The following FAAH2 variants were observed in gnomAD, a reference collection of about 807,000 sequenced individuals.
FAAH2 encodes fatty-acid amide hydrolase 2.
Under a neutral mutation model 36.9 loss-of-function variants are expected in FAAH2, and 60 were observed. The ratio of observed to expected loss-of-function variants is 1.63; its 90% CI spans 1.32 to 2.02. FAAH2 has a LOEUF of 2.02. Among genes scored for constraint, FAAH2 ranks in the 30% most tolerant of loss-of-function variants. The probability of loss-of-function intolerance (pLI) is 0.00; values close to 1 mark genes in which losing one functional copy is unlikely to be tolerated. For synonymous variants in FAAH2, 214 were observed against 143.8 expected, an observed-to-expected ratio of 1.49 and a Z score of -3.49; for missense variants, 689 against 397.5, an observed-to-expected ratio of 1.73 and a Z score of -6.23.
chrX:57,484,550 G>A (rs930776402), intron 10 of FAAH2, among the ~76,000 whole-genome samples: 11 of 111,885 alleles, frequency 9.8e-5, no homozygotes, highest in African/African-American at 2.6e-4. Flanking sequence ...TGAGAGCCAG[G>A]GAGAATGCCT....
the FAAH2 span, among the ~76,000 whole-genome samples, chrX:57,125,089 C>T: frequency 5.3e-5 from 6 of 112,668 alleles, no homozygotes; most frequent in Non-Finnish European, 1.1e-4. Context: ...TGCCAGTTTT[C>T]AACGGGAATG....
intron 3 of FAAH2, among the ~76,000 whole-genome samples, chrX:57,322,640 G>A (rs1200316589): frequency 2.7e-5 from 3 of 110,807 alleles, no homozygotes; most frequent in Non-Finnish European, 5.7e-5. Flanking sequence ...ATGTCAATGA[G>A]TTCTAGATTC....
At chrX:57,366,625 G>A (rs932894330) in intron 5 of FAAH2, among the ~76,000 whole-genome samples, 1 of 112,363 alleles carries the variant, frequency 8.9e-6, no homozygotes, top group Non-Finnish European at 1.9e-5. Context: ...CTGTGGGCAA[G>A]CATACACCCA....
chrX:57,437,501 C>A (rs981211473), intron 8 of FAAH2, among the ~76,000 whole-genome samples: 1 of 109,345 alleles, frequency 9.1e-6, no homozygotes, highest in African/African-American at 3.3e-5. Flanking sequence ...CAAAAAGAAT[C>A]CCCTAGAATT....
intron 5 of FAAH2, among the ~76,000 whole-genome samples, chrX:57,361,685 A>T (rs1208692694): frequency 9.0e-6 from 1 of 111,190 alleles, no homozygotes; most frequent in Admixed American, 9.6e-5. Context: ...AAATTGTAAG[A>T]CTTTCTTTGT....
intron 10 of FAAH2, among the ~76,000 whole-genome samples, 158 bp downstream of exon 10, chrX:57,448,876 A>G: frequency 8.9e-6 from 1 of 112,418 alleles, no homozygotes; most frequent in Non-Finnish European, 1.9e-5. Context: ...TGCTAATGTC[A>G]TATGTTGAAG....
intron 7 of FAAH2, among the ~76,000 whole-genome samples, chrX:57,384,759 T>C (rs1028311305): frequency 1.3e-4 from 14 of 111,737 alleles, no homozygotes; most frequent in African/African-American, 3.6e-4. Flanking sequence ...TTGTGGAAGT[T>C]AGTGTGGGGA....
At chrX:57,243,833 C>T in the FAAH2 span, among the ~76,000 whole-genome samples, 1 of 110,349 alleles carries the variant, frequency 9.1e-6, no homozygotes, top group South Asian at 3.9e-4. Flanking sequence ...ACTAGAAGGC[C>T]TCTTCTCCTC....
the FAAH2 span, among the ~76,000 whole-genome samples, chrX:57,190,465 T>G: frequency 1.9e-5 from 2 of 103,066 alleles, no homozygotes; most frequent in African/African-American, 6.9e-5. Flanking sequence ...AAAAAAAAAC[T>G]TCTGCAGCTA....
the FAAH2 span, among the ~76,000 whole-genome samples, chrX:57,233,618 G>C: frequency 2.1e-4 from 23 of 111,221 alleles, no homozygotes; most frequent in African/African-American, 7.2e-4. Flanking sequence ...TGGGTATTTT[G>C]ACAGCTTCCT....
chrX:57,180,833 C>A, the FAAH2 span, among the ~76,000 whole-genome samples: 1 of 111,324 alleles, frequency 9.0e-6, no homozygotes, highest in African/African-American at 3.3e-5. Context: ...ACAATAACAA[C>A]AAAAGAGACA....
chrX:57,234,018 G>A, the FAAH2 span, among the ~76,000 whole-genome samples: 3 of 112,741 alleles, frequency 2.7e-5, no homozygotes, highest in African/African-American at 6.4e-5. Flanking sequence ...TACAAAACAT[G>A]CATTTAAATT....
At chrX:57,244,872 C>T in the FAAH2 span, among the ~76,000 whole-genome samples, 2 of 111,210 alleles carry the variant, frequency 1.8e-5, no homozygotes, top group Non-Finnish European at 3.8e-5. Context: ...CAAATTGACC[C>T]ATAACAATAT....
At chrX:57,419,973 A>G (rs998923428) in intron 7 of FAAH2, among the ~76,000 whole-genome samples, 3 of 111,797 alleles carry the variant, frequency 2.7e-5, no homozygotes, top group Non-Finnish European at 3.8e-5. Flanking sequence ...TATTAAATAG[A>G]GAATCCTTTC....
At chrX:57,483,549 C>T (rs1338689549) in intron 10 of FAAH2, among the ~76,000 whole-genome samples, 2 of 110,638 alleles carry the variant, frequency 1.8e-5, no homozygotes, top group African/African-American at 6.6e-5. Context: ...TGCTAGAAAG[C>T]TAGTTTGACT....
chrX:57,296,587 A>G (rs2146815842), intron 2 of FAAH2, among the ~76,000 whole-genome samples: 1 of 112,373 alleles, frequency 8.9e-6, no homozygotes, highest in East Asian at 2.8e-4. Context: ...TCAGCAATGC[A>G]ACAAAGCTGG....
At chrX:57,377,443 A>G (rs1448976857) in intron 5 of FAAH2, among the ~76,000 whole-genome samples, 1 of 112,044 alleles carries the variant, frequency 8.9e-6, no homozygotes, top group African/African-American at 3.2e-5. Context: ...TTTGTCAAAG[A>G]CTAGATTGTA....
chrX:57,360,333 A>T (rs763105485), intron 5 of FAAH2, among the ~76,000 whole-genome samples: 4 of 110,463 alleles, frequency 3.6e-5, no homozygotes, highest in African/African-American at 1.3e-4. Flanking sequence ...ATGGTGTCAC[A>T]TGAGTTTCTT....
the FAAH2 span, among the ~76,000 whole-genome samples, chrX:57,215,906 C>CATATAT: frequency 1.3e-3 from 116 of 89,534 alleles, no homozygotes; most frequent in South Asian, 4.4e-3. Flanking sequence ...CCATGGCACT[C>CATATAT]ATATATATAT....
Sources: allele counts gnomAD v4.1 joint callset (sites outside exome capture counted in the v4.1 genomes callset), GRCh38; gene constraint gnomAD v4.1.1; transcripts MANE v1.5; gene names NCBI Gene and HGNC (gene_info 2026-07-23, HGNC 2026-07-21).